The following TLE2 variants were observed in gnomAD, a reference collection of about 807,000 sequenced individuals.
The protein encoded by TLE2 is TLE family member 2, transcriptional corepressor.
A neutral mutation model predicts 97.2 loss-of-function variants in TLE2; 74 were observed. That is an observed-to-expected ratio of 0.76 (90% confidence interval 0.63 to 0.92). The LOEUF (loss-of-function observed/expected upper bound fraction) is 0.92. Among genes scored for constraint, TLE2 ranks in the 40% least tolerant of loss-of-function variants. The probability of loss-of-function intolerance (pLI) is 0.00; values close to 1 mark genes in which losing one functional copy is unlikely to be tolerated. For synonymous variants in TLE2, 499 were observed against 432.1 expected, an observed-to-expected ratio of 1.15 and a Z score of -1.92; for missense variants, 1,038 against 1,008.7, an observed-to-expected ratio of 1.03 and a Z score of -0.39.
At chr19:2,998,567 C>T (rs946199139) in intron 19 of TLE2, among the ~76,000 whole-genome samples, 2 of 152,178 alleles carry the variant, frequency 1.3e-5, no homozygotes, top group South Asian at 2.1e-4. Context: ...CATGAGCCAC[C>T]GCACCCGGCC....
intron 7 of TLE2, among the ~76,000 whole-genome samples, chr19:3,018,961 G>A (rs1216276673): frequency 6.6e-6 from 1 of 151,928 alleles, no homozygotes; most frequent in Non-Finnish European, 1.5e-5. Context: ...ATGGCGTCTT[G>A]CTATGTTGCT....
Position 3,018,992 on chromosome 19 carries a change from G to A in TLE2, c.550+291C>T, listed in dbSNP as rs558752517. ...TTGCTTGGGCTGGCCTCTAACTCCC[G>A]GCCTCAAGTGATCCTCCTGCCTCGG... On this transcript the variant is annotated intron_variant, in intron 7 of 19. Transcript: ENST00000262953. 7.9e-4 allele frequency among the ~76,000 whole-genome samples: 120 copies of A among 152,086 alleles called. 1 individual carries two copies. Among genetic ancestry groups the A allele is most frequent in the South Asian group, 1.7e-3 (8 of 4,816 alleles).
rs761330316 is a variant in TLE2, at chr19:3,013,732, G to A, written c.810C>T (p.Asp270=). 2.6e-6 allele frequency: 4 copies of A among 1,560,740 alleles called. No homozygotes were observed. Among genetic ancestry groups the A allele is most frequent in the Non-Finnish European group, 3.5e-6 (4 of 1,155,786 alleles). Residue 270 remains aspartate (D), a synonymous_variant, in exon 11 of 20, where the codon GAC becomes GAT. Transcript: ENST00000262953. The part of the protein sequence containing the change: ...ICIPARRDLV[D]SPASLASSLG... ...GGCTAGAGGCCAAGGAGGCTGGACT[G>A]TCCACCAGGTCCCGACGGGCAGGAA...
At chr19:3,028,249 C>T (rs1453359079) in intron 3 of TLE2, 70 bp downstream of exon 3, 14 of 1,490,494 alleles carry the variant, frequency 9.4e-6, no homozygotes, top group African/African-American at 1.4e-5. Flanking sequence ...CAGGGACCTA[C>T]CCCAGAGTCC....
chr19:3,002,489 G>T lies in TLE2; in HGVS notation c.1911C>A (p.Gly637=). The T allele has an allele frequency of 1.3e-6, 2 of 1,579,270 alleles. No individual in the cohort carries two copies. Among genetic ancestry groups the T allele is most frequent in the Non-Finnish European group, 1.7e-6 (2 of 1,162,940 alleles). ...HDFSSQIFSL[G]HCPNQDWLAV... The stretch of plus-strand genomic sequence containing the variant: ...CCAGCCAGTCCTGGTTAGGGCAGTG[G>T]CCCAGGGAGAAAATCTGGGGGTAAA... Residue 637 remains glycine (G), a synonymous_variant, in exon 18 of 20, where the codon GGC becomes GGA. Transcript: ENST00000262953.
intron 8 of TLE2, among the ~76,000 whole-genome samples, chr19:3,016,589 C>A (rs1428495661): frequency 3.1e-4 from 33 of 106,726 alleles, no homozygotes; most frequent in South Asian, 1.1e-3. Context: ...GACTCAGTCT[C>A]AAAAAAAAAA....
chr19:3,021,011 C>T (rs902754286), intron 5 of TLE2, among the ~76,000 whole-genome samples: 10 of 146,450 alleles, frequency 6.8e-5, no homozygotes, highest in Non-Finnish European at 1.2e-4. Flanking sequence ...ATCACTTGAA[C>T]CCAAGAGGCA....
chr19:3,014,537 G>A lies in TLE2; in HGVS notation c.723+33C>T, dbSNP rs1396540237. ...AAACCCACCCCTTGCTCTGTGCCCA[G>A]AGTCGGGGAAGAGGCTGGACCCCTG... On this transcript the variant is annotated intron_variant, in intron 10 of 19. Transcript: ENST00000262953. The A allele has an allele frequency of 4.5e-6, 7 of 1,547,508 alleles. No individual in the cohort carries two copies. In the Admixed American group the frequency reaches 5.7e-5, roughly 13 times the overall value.
upstream of TLE2, among the ~76,000 whole-genome samples, chr19:3,032,314 T>G (rs2090031713): frequency 6.6e-6 from 1 of 152,068 alleles, no homozygotes. The surrounding 1 kb of genome is among the most constrained non-coding windows in gnomAD (Gnocchi z 4.1). Flanking sequence ...GGCTCACTGC[T>G]GCAACCTCTG....
At chr19:3,031,996 C>T (rs141506338), upstream of TLE2, among the ~76,000 whole-genome samples, 5 of 151,840 alleles carry the variant, frequency 3.3e-5, no homozygotes, top group Admixed American at 6.6e-5. Context: ...GGCGCGATCT[C>T]GGCTCACTGC....
chr19:3,032,961 T>G (rs576853070), upstream of TLE2, among the ~76,000 whole-genome samples: 19 of 148,408 alleles, frequency 1.3e-4, no homozygotes, highest in Non-Finnish European at 2.4e-4. The surrounding 1 kb of genome is among the most constrained non-coding windows in gnomAD (Gnocchi z 4.1). Flanking sequence ...TTTGACGGAG[T>G]CATGCTCTGT....
Position 3,019,477 on chromosome 19 carries a change from G to A in TLE2, c.370-14C>T. 3 of 1,504,310 alleles carry A rather than the reference G, an allele frequency of 2.0e-6. No individual in the cohort carries two copies. The highest frequency in any genetic ancestry group is 2.7e-6 in the Non-Finnish European group (3 of 1,130,852). The allele number at this position is 1,504,310 out of a possible 1,614,324, so 93.2% of individuals were successfully genotyped here. ...CTGGAGCTGCTGCTGCTAGAAAGGA[G>A]GCAGGATGGGCCGGGGCGGGGGGCG... On this transcript the variant is annotated splice_polypyrimidine_tract_variant and intron_variant, in intron 6 of 19. Transcript: ENST00000262953. The surrounding 1 kb of genome is among the most constrained non-coding windows in gnomAD (Gnocchi z 5.1).
In TLE2 at chr19:3,029,228, C is replaced by T; in HGVS notation, c.-324G>A. On this transcript the variant is annotated 5_prime_UTR_variant, in exon 1 of 20. Transcript: ENST00000262953. ...CGCCGCGGCCGGGTTTCGGTGGCGG[C>T]GGCGCGGGCGGCGGGCCCCGCGCGG... 1 of 318,392 alleles carries T rather than the reference C, an allele frequency of 3.1e-6. No homozygotes were observed. The highest frequency in any genetic ancestry group is 4.5e-6 in the Non-Finnish European group (1 of 224,310). 19.7% of individuals were successfully genotyped at this position (318,392 alleles called of 1,614,324 possible).
intron 19 of TLE2, among the ~76,000 whole-genome samples, chr19:3,000,387 A>G (rs1203723129): frequency 2.0e-5 from 3 of 152,154 alleles, no homozygotes; most frequent in Admixed American, 2.0e-4. Flanking sequence ...CAAATTTTAA[A>G]TTTTATAATA....
At chr19:3,024,446 ACTCCCCGTCCC>A (rs2089905143) in intron 5 of TLE2, among the ~76,000 whole-genome samples, 1 of 150,558 alleles carries the variant, frequency 6.6e-6, no homozygotes, top group Non-Finnish European at 1.5e-5. Context: ...TAAAACTCTC[ACTCCCCGTCCC>A]CTCCCCAACC....
intron 8 of TLE2, among the ~76,000 whole-genome samples, chr19:3,016,403 G>A (rs1330759720): frequency 3.9e-4 from 47 of 122,012 alleles, no homozygotes; most frequent in Middle Eastern, 0.01. Flanking sequence ...GTGAAACCCC[G>A]TCTCTACTAA....
At chr19:3,028,636 T>A (rs952876490) in intron 2 of TLE2, 70 bp downstream of exon 2, 18 of 1,504,614 alleles carry the variant, frequency 1.2e-5, no homozygotes, top group Non-Finnish European at 1.7e-5. Context: ...CCCCGCCCTA[T>A]ACCCCGGAGG....
chr19:3,034,460 C>G (rs552222305), intron 1 of TLE2, among the ~76,000 whole-genome samples: 4 of 151,886 alleles, frequency 2.6e-5, no homozygotes, highest in Admixed American at 2.0e-4. Context: ...CACACCACAC[C>G]CCCAACCCCC....
chr19:2,998,237 ATGTGTGTGTGTGTGTGTGTG>A (rs56398458), intron 19 of TLE2, among the ~76,000 whole-genome samples: 8 of 121,426 alleles, frequency 6.6e-5, no homozygotes, highest in South Asian at 5.5e-4. Context: ...CGCCCGGCCA[ATGTGTGTGTGTGTGTGTGTG>A]TGTGTGTGTG....
Sources: gnomAD v4.1 joint callset for allele counts (sites outside exome capture counted in the v4.1 genomes callset) on GRCh38, gnomAD v4.1.1 for gene constraint, Gnocchi (gnomAD v3.1) non-coding constraint, MANE v1.5 for transcripts, NCBI Gene and HGNC (gene_info 2026-07-23, HGNC 2026-07-21) for gene names.